FALEC: variants seen among roughly 807,000 people sequenced by gnomAD.
FALEC encodes focally amplified lncRNA on chromosome 1.
the FALEC span, among the ~76,000 whole-genome samples, chr1:150,535,536 G>A: frequency 1.1e-4 from 17 of 152,310 alleles, no homozygotes; most frequent in East Asian, 2.5e-3. Flanking sequence ...GAGCCACCGC[G>A]CCCAGGCTCA....
At chr1:150,526,021 A>G in the FALEC span, among the ~76,000 whole-genome samples, 2 of 152,162 alleles carry the variant, frequency 1.3e-5, no homozygotes, top group Admixed American at 1.3e-4. Context: ...AATATTTTCA[A>G]GGTTCATTCA....
the FALEC span, among the ~76,000 whole-genome samples, chr1:150,534,432 T>C: frequency 6.6e-6 from 1 of 152,228 alleles, no homozygotes; most frequent in Non-Finnish European, 1.5e-5. Context: ...TGAGTTCTTA[T>C]GAAGGGTTCA....
the FALEC span, among the ~76,000 whole-genome samples, chr1:150,536,302 G>C: frequency 2.6e-5 from 4 of 152,186 alleles, no homozygotes; most frequent in African/African-American, 7.2e-5. Flanking sequence ...TCAGGCAGGT[G>C]GTGGCCATAG....
chr1:150,520,783 C>CTTTTTTTTTCTT (rs1670630662), downstream of FALEC, among the ~76,000 whole-genome samples: 1 of 42,820 alleles, frequency 2.3e-5, no homozygotes. Flanking sequence ...CTTTTCTTTT[C>CTTTTTTTTTCTT]TTTTTTTTTT....
downstream of FALEC, among the ~76,000 whole-genome samples, chr1:150,522,926 C>CGTGTATAT (rs1168202877): frequency 4.7e-5 from 2 of 42,270 alleles, no homozygotes; most frequent in Non-Finnish European, 8.1e-5. Flanking sequence ...TATATATATA[C>CGTGTATAT]ATATATATGT....
At chr1:150,523,827 A>G in the FALEC span, among the ~76,000 whole-genome samples, 1 of 152,236 alleles carries the variant, frequency 6.6e-6, no homozygotes, top group Non-Finnish European at 1.5e-5. Flanking sequence ...AGCCAAGGGT[A>G]TGGATCTTGA....
downstream of FALEC, among the ~76,000 whole-genome samples, chr1:150,522,485 T>G (rs113588371): frequency 0.039 from 5,884 of 151,684 alleles, 152 homozygotes; most frequent in Middle Eastern, 0.082. Context: ...TAGCTGGGCA[T>G]AGCGGTGCAT....
the FALEC span, among the ~76,000 whole-genome samples, chr1:150,527,743 G>A: frequency 5.9e-5 from 9 of 152,092 alleles, no homozygotes; most frequent in African/African-American, 1.2e-4. Context: ...CCAGCTACTC[G>A]GGAGGCTGAG....
At chr1:150,533,217 C>G in the FALEC span, among the ~76,000 whole-genome samples, 1 of 152,182 alleles carries the variant, frequency 6.6e-6, no homozygotes, top group Non-Finnish European at 1.5e-5. Context: ...AGAAGAGCTG[C>G]TTTGCCAAGC....
chr1:150,524,443 T>C, the FALEC span, among the ~76,000 whole-genome samples: 15 of 152,204 alleles, frequency 9.9e-5, no homozygotes, highest in Admixed American at 9.2e-4. Flanking sequence ...AGTCACATCA[T>C]CTTGACAGTG....
the FALEC span, among the ~76,000 whole-genome samples, chr1:150,526,413 G>A: frequency 9.2e-5 from 14 of 151,372 alleles, no homozygotes; most frequent in African/African-American, 3.4e-4. Context: ...CGCCCAGGCT[G>A]GTCTCAAACT....
chr1:150,523,547 G>C, the FALEC span, among the ~76,000 whole-genome samples: 1 of 151,098 alleles, frequency 6.6e-6, no homozygotes, highest in Non-Finnish European at 1.5e-5. Context: ...CCAGCTACTC[G>C]GGAGGCTGAG....
At chr1:150,516,237 ACT>A (rs764356712) in intron 1 of FALEC, among the ~76,000 whole-genome samples, 19 of 139,096 alleles carry the variant, frequency 1.4e-4, no homozygotes, top group Middle Eastern at 3.5e-3. Flanking sequence ...GAGAGAGGAG[ACT>A]CTGTCTCAAA....
At chr1:150,526,207 GGGCGC>G in the FALEC span, among the ~76,000 whole-genome samples, 3 of 152,060 alleles carry the variant, frequency 2.0e-5, no homozygotes, top group African/African-American at 7.2e-5. Context: ...AAAATCAGCT[GGGCGC>G]GGTAGCGGGC....
chr1:150,532,674 A>T, the FALEC span, among the ~76,000 whole-genome samples: 1 of 151,952 alleles, frequency 6.6e-6, no homozygotes, highest in Admixed American at 6.6e-5. Context: ...CTGAGTGCAT[A>T]GTGTGTGCGC....
At chr1:150,519,749 C>T (rs369914077), downstream of FALEC, among the ~76,000 whole-genome samples, 8 of 152,002 alleles carry the variant, frequency 5.3e-5, no homozygotes, top group South Asian at 1.0e-3. Context: ...CCCAGCTACT[C>T]GGGAGGCTGA....
exon 1 of FALEC, chr1:150,515,812 C>A (rs934732670): frequency 1.3e-5 from 2 of 152,486 alleles, no homozygotes; most frequent in African/African-American, 4.8e-5. Context: ...GGGGAAAAGG[C>A]CGGCCCAGCA....
downstream of FALEC, among the ~76,000 whole-genome samples, chr1:150,520,007 G>T (rs1366523344): frequency 1.3e-5 from 2 of 152,052 alleles, no homozygotes; most frequent in Non-Finnish European, 2.9e-5. Flanking sequence ...AAATTAGCCG[G>T]GTGTGGTGGT....
chr1:150,525,893 C>T, the FALEC span, among the ~76,000 whole-genome samples: 17 of 152,242 alleles, frequency 1.1e-4, no homozygotes, highest in East Asian at 3.9e-4. Flanking sequence ...TCTCCCATTT[C>T]GGCCTCCCAA....
Sources: allele counts gnomAD v4.1 joint callset (sites outside exome capture counted in the v4.1 genomes callset), GRCh38; gene constraint gnomAD v4.1.1; transcripts MANE v1.5; gene names NCBI Gene and HGNC (gene_info 2026-07-23, HGNC 2026-07-21).